SUGCT: variants seen among roughly 807,000 people sequenced by gnomAD.
The protein encoded by SUGCT is succinyl-CoA:glutarate-CoA transferase.
Under a neutral mutation model 55.0 loss-of-function variants are expected in SUGCT, and 41 were observed. The ratio of observed to expected loss-of-function variants is 0.74; its 90% CI spans 0.58 to 0.97. The LOEUF (loss-of-function observed/expected upper bound fraction) is 0.97, where lower values mean the gene tolerates loss of function less well. SUGCT is among the 50% of genes least tolerant of loss of function. SUGCT has a pLI of 0.00. For synonymous variants in SUGCT, 187 were observed against 200.4 expected (o/e 0.93, Z 0.56); for missense variants, 568 against 547.8 (o/e 1.04, Z -0.37).
rs559503125 is a variant in SUGCT, at chr7:40,486,667, A to T, written c.987-9617A>T. Reference sequence around the variant, plus strand: ...TTTCATAGGTTTTGGTATGTTGTGTATCCATTTATATTCACGTCAAGAAAT... The same window carrying T: ...TTTCATAGGTTTTGGTATGTTGTGTTTCCATTTATATTCACGTCAAGAAAT... On this transcript the variant is annotated intron_variant, in intron 11 of 13. Coordinates refer to ENST00000335693, the MANE Select transcript of SUGCT (RefSeq NM_001193313.2). 1.4e-4 allele frequency among the ~76,000 whole-genome samples: 21 copies of T among 148,596 alleles called. No individual in the cohort carries two copies. The East Asian group carries it at 4.1e-3, about 29-fold the overall frequency.
intron 12 of SUGCT, among the ~76,000 whole-genome samples, chr7:40,721,273 A>G (rs1562963757): frequency 1.3e-5 from 2 of 152,340 alleles, no homozygotes; most frequent in East Asian, 3.9e-4. Context: ...CCAGATTAGC[A>G]TGAAACAGAG....
At chr7:40,779,226 A>G (rs1333233642) in intron 13 of SUGCT, among the ~76,000 whole-genome samples, 1 of 152,172 alleles carries the variant, frequency 6.6e-6, no homozygotes, top group Non-Finnish European at 1.5e-5. Context: ...CTTATTAATG[A>G]TGCTAAGAAT....
chr7:41,013,562 A>G, the SUGCT span, among the ~76,000 whole-genome samples: 2 of 152,148 alleles, frequency 1.3e-5, no homozygotes, highest in African/African-American at 4.8e-5. Context: ...TTGAATGTGC[A>G]TAAGTGCGCA....
rs575877278 is a variant in SUGCT, at chr7:40,237,488, T to TA, written c.485-146dup. 1.4e-3 allele frequency: 880 copies of TA among 643,766 alleles called. 19 individuals carry two copies. The South Asian group carries it at 0.018, about 13-fold the overall frequency. 39.9% of individuals were successfully genotyped at this position (643,766 alleles called of 1,614,324 possible). A position where few individuals can be genotyped will look rare whatever the true frequency, so the allele number is the denominator to read the frequency against. On this transcript the variant is annotated intron_variant, in intron 6 of 13. Transcript: ENST00000335693. The stretch of plus-strand genomic sequence containing the variant: ...GGGGTCGAGCACTATAATGAATTCT[T>TA]ACTGCCTTCTTCAAGGAATGGTATA...
chr7:41,008,316 A>G, the SUGCT span, among the ~76,000 whole-genome samples: 1 of 152,184 alleles, frequency 6.6e-6, no homozygotes, highest in Admixed American at 6.5e-5. Context: ...CTTGTCTGCC[A>G]TCAGCCCTGG....
chr7:40,417,637 A>G (rs1285475274), intron 9 of SUGCT, among the ~76,000 whole-genome samples: 1 of 151,806 alleles, frequency 6.6e-6, no homozygotes, highest in Non-Finnish European at 1.5e-5. Context: ...AAAATGTTCT[A>G]TGGGCCTGAA....
intron 9 of SUGCT, among the ~76,000 whole-genome samples, chr7:40,420,130 C>T (rs4723963): frequency 6.6e-6 from 1 of 152,076 alleles, no homozygotes; most frequent in African/African-American, 2.4e-5. Flanking sequence ...GGAGAACCTT[C>T]GGAGTATCAG....
intron 6 of SUGCT, among the ~76,000 whole-genome samples, chr7:40,229,247 G>C (rs984748717): frequency 6.6e-6 from 1 of 152,176 alleles, no homozygotes; most frequent in African/African-American, 2.4e-5. Context: ...CGCTGGGTGC[G>C]GTGGCTCACG....
intron 6 of SUGCT, among the ~76,000 whole-genome samples, chr7:40,223,372 C>T (rs1044021104): frequency 5.9e-5 from 9 of 152,170 alleles, no homozygotes; most frequent in Non-Finnish European, 1.2e-4. Flanking sequence ...GTTTTTATTT[C>T]TTGCCCCAGT....
the SUGCT span, among the ~76,000 whole-genome samples, chr7:40,951,875 A>G: frequency 2.0e-5 from 3 of 152,174 alleles, no homozygotes; most frequent in African/African-American, 7.2e-5. Flanking sequence ...ACTTCCAACT[A>G]TGTGGTCAAT....
chr7:40,932,575 C>T, the SUGCT span, among the ~76,000 whole-genome samples: 1 of 152,082 alleles, frequency 6.6e-6, no homozygotes, highest in Non-Finnish European at 1.5e-5. Flanking sequence ...CTTTGTAGGT[C>T]TCTAAGGACT....
At chr7:40,362,680 T>C (rs1449228347) in intron 9 of SUGCT, among the ~76,000 whole-genome samples, 1 of 152,190 alleles carries the variant, frequency 6.6e-6, no homozygotes, top group African/African-American at 2.4e-5. Context: ...GGAAACAATA[T>C]AATTTTAAAA....
chr7:40,260,071 G>A (rs923018679), intron 7 of SUGCT, among the ~76,000 whole-genome samples: 2 of 152,152 alleles, frequency 1.3e-5, no homozygotes, highest in African/African-American at 4.8e-5. Context: ...TAATGTATGG[G>A]ACAGGCCCCT....
chr7:40,168,704 T>C (rs1784534576), intron 1 of SUGCT, among the ~76,000 whole-genome samples: 1 of 152,196 alleles, frequency 6.6e-6, no homozygotes. Context: ...GTAATTTCCA[T>C]TGGTTAGCTG....
At chr7:40,983,820 G>T in the SUGCT span, among the ~76,000 whole-genome samples, 2 of 152,186 alleles carry the variant, frequency 1.3e-5, no homozygotes, top group Non-Finnish European at 2.9e-5. Flanking sequence ...GATTGGAAAT[G>T]ATCGGTTTGC....
chr7:40,513,509 A>C (rs1397666777), intron 12 of SUGCT, among the ~76,000 whole-genome samples: 1 of 152,128 alleles, frequency 6.6e-6, no homozygotes, highest in Non-Finnish European at 1.5e-5. Flanking sequence ...ATTTCCTGAG[A>C]GCTCCATTTC....
chr7:40,142,318 A>G (rs1170310128), intron 1 of SUGCT, among the ~76,000 whole-genome samples: 1 of 152,248 alleles, frequency 6.6e-6, no homozygotes. Context: ...GATTCTTTGA[A>G]GAGAAATTTA....
At chr7:40,832,868 G>T (rs1328106750) in intron 13 of SUGCT, among the ~76,000 whole-genome samples, 1 of 151,978 alleles carries the variant, frequency 6.6e-6, no homozygotes, top group Non-Finnish European at 1.5e-5. Context: ...TAGAGACGGG[G>T]TGTCACCATG....
intron 12 of SUGCT, among the ~76,000 whole-genome samples, chr7:40,719,432 T>C (rs1218104430): frequency 6.6e-6 from 1 of 152,212 alleles, no homozygotes; most frequent in African/African-American, 2.4e-5. Context: ...GTTGAGCTTG[T>C]TGTTCCCACA....
Sources: allele counts gnomAD v4.1 joint callset (sites outside exome capture counted in the v4.1 genomes callset), GRCh38; gene constraint gnomAD v4.1.1; transcripts MANE v1.5; gene names NCBI Gene and HGNC (gene_info 2026-07-23, HGNC 2026-07-21).